Variants in ARHGAP17 observed in about 807,000 individuals in gnomAD.
The protein encoded by ARHGAP17 is rho GTPase-activating protein 17.
Under a neutral mutation model 99.5 loss-of-function variants are expected in ARHGAP17, and 57 were observed. The ratio of observed to expected loss-of-function variants is 0.57; its 90% CI spans 0.46 to 0.71. ARHGAP17 has a LOEUF of 0.71. ARHGAP17 is among the 30% of genes least tolerant of loss of function. The pLI, the probability that ARHGAP17 is intolerant of heterozygous loss-of-function variation, is 0.00. For synonymous variants in ARHGAP17, 417 were observed against 429.6 expected (o/e 0.97, Z 0.36); for missense variants, 1,000 against 1,122.4 (o/e 0.89, Z 1.56).
At chr16:24,920,551 A>G (rs896346127) in intron 19 of ARHGAP17, 37 of 323,536 alleles carry the variant, frequency 1.1e-4, no homozygotes, top group Non-Finnish European at 2.1e-4. Context: ...GATGGAGGAA[A>G]GGAAGCCTCA....
At chr16:24,968,276 G>T in intron 6 of ARHGAP17, 75 bp downstream of exon 6, 1 of 1,527,908 alleles carries the variant, frequency 6.5e-7, no homozygotes, top group Non-Finnish European at 9.1e-7. Context: ...CACTTCCATT[G>T]TGTCCACTGT....
At chr16:25,003,691 G>A (rs1307980930) in intron 1 of ARHGAP17, among the ~76,000 whole-genome samples, 1 of 152,002 alleles carries the variant, frequency 6.6e-6, no homozygotes, top group Admixed American at 6.5e-5. Context: ...GGGAGTGGTA[G>A]TGCACACCTG....
At chr16:24,973,853 C>T (rs1451904874) in intron 3 of ARHGAP17, among the ~76,000 whole-genome samples, 1 of 152,148 alleles carries the variant, frequency 6.6e-6, no homozygotes, top group Non-Finnish European at 1.5e-5. Context: ...ATGTCTTGGA[C>T]TGCGTCTCAA....
chr16:24,929,312 C>T lies in ARHGAP17; in HGVS notation c.2515+1472G>A, dbSNP rs192358051. Among the ~76,000 whole-genome samples, 82 of 151,890 alleles carry T rather than the reference C, an allele frequency of 5.4e-4. No individual in the cohort carries two copies. In the South Asian group the frequency reaches 0.011, roughly 20 times the overall value. ...ACTCAAAGTACTGGGATTAGAGGCA[C>T]GAGCCACTGTGCTTGGCCCCTAAGA... On this transcript the variant is annotated intron_variant, in intron 19 of 19. Transcript: ENST00000289968.
intron 18 of ARHGAP17, among the ~76,000 whole-genome samples, chr16:24,934,059 C>T (rs970769962): frequency 3.3e-5 from 5 of 152,186 alleles, no homozygotes; most frequent in African/African-American, 1.2e-4. Context: ...GCAGTGGACT[C>T]GGATTTGCCT....
chr16:24,981,708 A>T (rs1458533563), intron 1 of ARHGAP17, among the ~76,000 whole-genome samples: 3 of 152,196 alleles, frequency 2.0e-5, no homozygotes, highest in African/African-American at 7.2e-5. Context: ...AACTACATGA[A>T]TCACAGTTTT....
intron 19 of ARHGAP17, among the ~76,000 whole-genome samples, chr16:24,923,732 A>ATTT: frequency 6.6e-6 from 1 of 150,798 alleles, no homozygotes; most frequent in African/African-American, 2.4e-5. Flanking sequence ...TTTTTTAAAA[A>ATTT]AAAAAAAAAA....
intron 7 of ARHGAP17, among the ~76,000 whole-genome samples, chr16:24,962,739 ATTAT>A (rs1169864829): frequency 6.6e-6 from 1 of 152,250 alleles, no homozygotes; most frequent in Non-Finnish European, 1.5e-5. Flanking sequence ...ATTAACAGAG[ATTAT>A]TAAATAAGTA....
chr16:24,975,219 G>A (rs971265461), intron 3 of ARHGAP17, among the ~76,000 whole-genome samples: 1 of 152,182 alleles, frequency 6.6e-6, no homozygotes, highest in African/African-American at 2.4e-5. Context: ...AAGGGTGGAT[G>A]GAATTCAGAG....
chr16:24,935,392 C>A, intron 18 of ARHGAP17, 78 bp downstream of exon 18: 1 of 1,445,556 alleles, frequency 6.9e-7, no homozygotes, highest in Non-Finnish European at 9.2e-7. Context: ...CCACAAACCT[C>A]ACCATCTGAA....
chr16:24,937,548 T>C (rs1301981183), intron 17 of ARHGAP17, among the ~76,000 whole-genome samples: 1 of 152,258 alleles, frequency 6.6e-6, no homozygotes, highest in East Asian at 1.9e-4. Flanking sequence ...AGTACATGCA[T>C]AGGGCACAAT....
chr16:24,941,988 T>C lies in ARHGAP17; in HGVS notation c.1489A>G (p.Ser497Gly). ...VMEGDLVKKE[S>G]FGVKLMDFQA... ...TGGAAGTGAACGGTCAAATCATACC[T>C]TTCCTTCTTCACCAAGTCTCCTTCC... The change falls in exon 16 of 20, where the codon AGC becomes GGC. Residue 497 changes from serine to glycine, a missense_variant and splice_region_variant. This residue lies in a region of ARHGAP17 where 472 missense variants were observed against 611.1 expected (regional missense o/e 0.77). Transcript: ENST00000289968. 6.2e-7 allele frequency: 1 copy of C among 1,613,946 alleles called. No individual in the cohort carries two copies. Among genetic ancestry groups the C allele is most frequent in the East Asian group, 2.2e-5 (1 of 44,886 alleles).
intron 7 of ARHGAP17, among the ~76,000 whole-genome samples, chr16:24,963,465 C>A (rs115544587): frequency 0.016 from 2,436 of 152,066 alleles, 59 homozygotes; most frequent in African/African-American, 0.055. Context: ...AATAAAAAAA[C>A]AATTTTTTTA....
intron 1 of ARHGAP17, among the ~76,000 whole-genome samples, chr16:24,999,407 A>T (rs1195400995): frequency 6.6e-6 from 1 of 151,090 alleles, no homozygotes; most frequent in East Asian, 1.9e-4. Flanking sequence ...TGTTTTATTT[A>T]TTTATTTATT....
At chr16:24,968,201 A>G (rs893873843) in intron 6 of ARHGAP17, 150 bp downstream of exon 6, 4 of 733,926 alleles carry the variant, frequency 5.5e-6, no homozygotes, top group Non-Finnish European at 9.3e-6. Context: ...TTGGGAGAAC[A>G]AGGCCTATAG....
At chr16:24,920,378 G>A in intron 19 of ARHGAP17, 118 bp from the exon 20 acceptor site, 3 of 1,302,552 alleles carry the variant, frequency 2.3e-6, no homozygotes, top group Non-Finnish European at 3.2e-6. Flanking sequence ...ATGCACACAG[G>A]GTCCCTTGCG....
chr16:24,942,918 C>T (rs1319519376), intron 15 of ARHGAP17, among the ~76,000 whole-genome samples: 1 of 152,190 alleles, frequency 6.6e-6, no homozygotes, highest in Non-Finnish European at 1.5e-5. Context: ...CTCATCCATC[C>T]CATCCTCACT....
rs750035062 is a variant in ARHGAP17, at chr16:24,931,078, A to G, written c.2221T>C (p.Leu741=). The change falls in exon 19 of 20, where the codon TTG becomes CTG. Residue 741 remains leucine, a synonymous_variant. Transcript: ENST00000289968. The part of the protein sequence containing the change: ...NSQGPPNPMA[L]PSEHGLEQPS... ...TGCTCAAGTCCATGCTCACTGGGCAATGCCATGGGGTTGGGAGGGCCCTGG... is the reference window on the plus strand; with the variant it reads ...TGCTCAAGTCCATGCTCACTGGGCAGTGCCATGGGGTTGGGAGGGCCCTGG... 18 of 1,605,856 alleles carry G rather than the reference A, an allele frequency of 1.1e-5. No homozygotes were observed. The South Asian group carries it at 2.0e-4, about 18-fold the overall frequency.
chr16:24,986,651 G>A (rs562447858), intron 1 of ARHGAP17, among the ~76,000 whole-genome samples: 9 of 152,300 alleles, frequency 5.9e-5, no homozygotes, highest in South Asian at 2.1e-4. Context: ...AGACATCACC[G>A]TATGACCTGC....
Sources: allele counts gnomAD v4.1 joint callset (sites outside exome capture counted in the v4.1 genomes callset), GRCh38; gene constraint gnomAD v4.1.1; regional missense constraint gnomAD v4.1.1; transcripts MANE v1.5; gene names NCBI Gene and HGNC (gene_info 2026-07-23, HGNC 2026-07-21).